SCAND3: variants seen among roughly 807,000 people sequenced by gnomAD.
SCAND3 encodes SCAN domain containing 3.
At chr6:28,591,247 G>C in the SCAND3 span, 1 of 152,522 alleles carries the variant, frequency 6.6e-6, no homozygotes, top group East Asian at 1.9e-4. Context: ...GAAGGCCAAG[G>C]AGCAGCTGCT....
the SCAND3 span, chr6:28,589,434 G>A: frequency 5.3e-5 from 8 of 152,260 alleles, no homozygotes; most frequent in African/African-American, 1.9e-4. Flanking sequence ...ATCCGAGTTC[G>A]AATCTCGGTG....
chr6:28,575,596 T>A, the SCAND3 span: 2 of 1,614,116 alleles, frequency 1.2e-6, no homozygotes, highest in Non-Finnish European at 1.7e-6. This position sits in a 1 kb window ranked among gnomAD's most constrained non-coding sequence, Gnocchi z 4.2. Flanking sequence ...TGAACTAACT[T>A]CCTTAATTGA....
At chr6:28,581,301 G>A in the SCAND3 span, among the ~76,000 whole-genome samples, 1 of 152,224 alleles carries the variant, frequency 6.6e-6, no homozygotes, top group Middle Eastern at 3.4e-3. Context: ...TCGTGCCACT[G>A]CCCTCCAGCC....
chr6:28,572,687 G>C, the SCAND3 span: 1 of 1,614,032 alleles, frequency 6.2e-7, no homozygotes, highest in Admixed American at 1.7e-5. This position sits in a 1 kb window ranked among gnomAD's most constrained non-coding sequence, Gnocchi z 4.1. Context: ...ATTCTTGACA[G>C]AACTTTTCCC....
At chr6:28,578,575 T>C in the SCAND3 span, among the ~76,000 whole-genome samples, 1 of 152,166 alleles carries the variant, frequency 6.6e-6, no homozygotes, top group Non-Finnish European at 1.5e-5. Flanking sequence ...CTGATCCATT[T>C]TGTGCCATGC....
At chr6:28,600,294 C>T in the SCAND3 span, among the ~76,000 whole-genome samples, 1 of 152,232 alleles carries the variant, frequency 6.6e-6, no homozygotes, top group Admixed American at 6.5e-5. Context: ...GGCGGCTAAG[C>T]TTATTTATAG....
chr6:28,599,683 A>G, the SCAND3 span, among the ~76,000 whole-genome samples: 1 of 152,232 alleles, frequency 6.6e-6, no homozygotes, highest in East Asian at 1.9e-4. Flanking sequence ...CTCCCCAGCT[A>G]CATGGAACTG....
chr6:28,584,610 C>A, the SCAND3 span, among the ~76,000 whole-genome samples: 52 of 152,306 alleles, frequency 3.4e-4, no homozygotes, highest in Admixed American at 5.9e-4. Context: ...TTCTAGAGTA[C>A]TTCCAGTCCT....
the SCAND3 span, among the ~76,000 whole-genome samples, chr6:28,601,209 G>A: frequency 6.6e-6 from 1 of 152,056 alleles, no homozygotes; most frequent in Non-Finnish European, 1.5e-5. Context: ...CCGGCCACAT[G>A]TGCCCATTTT....
At chr6:28,595,651 G>A in the SCAND3 span, among the ~76,000 whole-genome samples, 1 of 151,996 alleles carries the variant, frequency 6.6e-6, no homozygotes, top group East Asian at 1.9e-4. Context: ...GAACCCAGGA[G>A]GTGGAGGCTG....
the SCAND3 span, among the ~76,000 whole-genome samples, chr6:28,601,370 T>C: frequency 1.3e-5 from 2 of 152,346 alleles, no homozygotes; most frequent in East Asian, 1.9e-4. Context: ...ACCTGGTTGA[T>C]ATGTGCATGG....
At chr6:28,575,447 C>T in the SCAND3 span, 1 of 1,613,906 alleles carries the variant, frequency 6.2e-7, no homozygotes, top group Non-Finnish European at 8.5e-7. The surrounding 1 kb of genome is among the most constrained non-coding windows in gnomAD (Gnocchi z 4.2). Context: ...TCTAAAAGAG[C>T]ATGTGCAACT....
At chr6:28,607,128 A>AGAAAT in the SCAND3 span, among the ~76,000 whole-genome samples, 1 of 152,224 alleles carries the variant, frequency 6.6e-6, no homozygotes, top group African/African-American at 2.4e-5. Flanking sequence ...AAATCATGAA[A>AGAAAT]GAAATGCAAA....
At chr6:28,582,398 A>G in the SCAND3 span, among the ~76,000 whole-genome samples, 9 of 152,190 alleles carry the variant, frequency 5.9e-5, no homozygotes, top group South Asian at 1.0e-3. The surrounding 1 kb of genome is among the most constrained non-coding windows in gnomAD (Gnocchi z 4.8). Context: ...CTTAAGGGGG[A>G]AAAAAACTAC....
At chr6:28,587,296 T>G in the SCAND3 span, 4 of 152,746 alleles carry the variant, frequency 2.6e-5, no homozygotes, top group Non-Finnish European at 5.8e-5. Flanking sequence ...CACCCGCAGC[T>G]GTGCCCGTAG....
the SCAND3 span, chr6:28,589,252 C>T: frequency 6.6e-6 from 1 of 152,232 alleles, no homozygotes; most frequent in Non-Finnish European, 1.5e-5. Context: ...AGCAGCAAAG[C>T]GTCAGCTTTC....
At chr6:28,572,175 G>T in the SCAND3 span, 1 of 1,614,050 alleles carries the variant, frequency 6.2e-7, no homozygotes, top group Non-Finnish European at 8.5e-7. This position sits in a 1 kb window ranked among gnomAD's most constrained non-coding sequence, Gnocchi z 4.1. Context: ...TTTCAAAACT[G>T]ATTTTCAATC....
the SCAND3 span, among the ~76,000 whole-genome samples, chr6:28,614,057 A>G: frequency 6.6e-6 from 1 of 150,490 alleles, no homozygotes; most frequent in Non-Finnish European, 1.5e-5. Flanking sequence ...TCTGCCTCCC[A>G]GGTTCAAGCG....
the SCAND3 span, among the ~76,000 whole-genome samples, chr6:28,606,578 C>T: frequency 4.4e-3 from 670 of 152,228 alleles, 6 homozygotes; most frequent in Admixed American, 0.012. Context: ...AGAGTTTTGT[C>T]GGAGGTAAAC....
Sources: allele counts gnomAD v4.1 joint callset (sites outside exome capture counted in the v4.1 genomes callset), GRCh38; gene constraint gnomAD v4.1.1; non-coding constraint Gnocchi (gnomAD v3.1); transcripts MANE v1.5; gene names NCBI Gene and HGNC (gene_info 2026-07-23, HGNC 2026-07-21).